JOSD1: variants seen among roughly 807,000 people sequenced by gnomAD.
JOSD1 encodes josephin-1.
A neutral mutation model predicts 24.3 loss-of-function variants in JOSD1; 11 were observed. The ratio of observed to expected loss-of-function variants is 0.45; its 90% confidence interval spans 0.29 to 0.75. JOSD1 has a LOEUF of 0.75. Among genes scored for constraint, JOSD1 ranks in the 30% least tolerant of loss-of-function variants. JOSD1 has a pLI of 0.11. For synonymous variants in JOSD1, 106 were observed against 93.8 expected (o/e 1.13, Z -0.75); for missense variants, 184 against 253.5 (o/e 0.73, Z 1.86).
At chr22:38,699,029 T>G (rs959984412) in intron 2 of JOSD1, among the ~76,000 whole-genome samples, 2 of 152,166 alleles carry the variant, frequency 1.3e-5, no homozygotes, top group Non-Finnish European at 2.9e-5. Context: ...AGTGCTGGGA[T>G]TACACCGTAC....
Position 38,685,775 on chromosome 22 carries a change from T to G in JOSD1, c.*2127A>C, listed in dbSNP as rs2092495225. ...ATCAGGGTCAGGCCTGTTCACTTCC[T>G]TAAAGGAAGTGGGGCTTTTTGCCCT... On this transcript the variant is annotated 3_prime_UTR_variant, in exon 5 of 5. Coordinates refer to ENST00000683374, the MANE Select transcript of JOSD1 (RefSeq NM_001360236.2). 1 of 152,668 alleles carries G rather than the reference T, an allele frequency of 6.6e-6. No individual in the cohort carries two copies. The highest frequency in any genetic ancestry group is 6.5e-5 in the Admixed American group (1 of 15,286). The allele number at this position is 152,668 out of a possible 1,614,324, so 9.5% of individuals were successfully genotyped here.
chr22:38,685,632 A>C lies in JOSD1; in HGVS notation c.*2270T>G, dbSNP rs762648485. 6.6e-6 allele frequency: 1 copy of C among 152,622 alleles called. No individual in the cohort carries two copies. Among genetic ancestry groups the C allele is most frequent in the Non-Finnish European group, 1.5e-5 (1 of 68,042 alleles). The allele number at this position is 152,622 out of a possible 1,614,324, so 9.5% of individuals were successfully genotyped here. The stretch of plus-strand genomic sequence containing the variant: ...CAAGGAGACATATATGGAGTTTTCC[A>C]TTTTTAATATTTGGTTAAACAAAAT... On this transcript the variant is annotated 3_prime_UTR_variant, in exon 5 of 5. Coordinates refer to ENST00000683374, the MANE Select transcript of JOSD1 (RefSeq NM_001360236.2).
chr22:38,699,685 T>C lies in JOSD1; in HGVS notation c.185+118A>G, dbSNP rs565580488. ...TTTCATGTCTTGTGTCCCTTATACC[T>C]GCTAACGCAATCTAGCTAATACCTA... On this transcript the variant is annotated intron_variant, in intron 2 of 4. Coordinates refer to ENST00000683374, the MANE Select transcript of JOSD1 (RefSeq NM_001360236.2). 9.8e-5 allele frequency: 94 copies of C among 963,916 alleles called. No individual in the cohort carries two copies. The African/African-American group carries it at 1.5e-3, about 15-fold the overall frequency. The allele number at this position is 963,916 out of a possible 1,614,324, so 59.7% of individuals were successfully genotyped here. A position where few individuals can be genotyped will look rare whatever the true frequency, so the allele number is the denominator to read the frequency against.
intron 2 of JOSD1, among the ~76,000 whole-genome samples, chr22:38,695,609 G>A (rs2092542573): frequency 6.6e-6 from 1 of 152,104 alleles, no homozygotes; most frequent in East Asian, 2.0e-4. Context: ...CCCATGCCTA[G>A]CTAATTTTTA....
At chr22:38,696,096 A>G (rs1288943444) in intron 2 of JOSD1, among the ~76,000 whole-genome samples, 1 of 152,136 alleles carries the variant, frequency 6.6e-6, no homozygotes, top group African/African-American at 2.4e-5. Flanking sequence ...GGAATGCAGA[A>G]CTAGATGTAA....
At chr22:38,700,766 C>T in intron 1 of JOSD1, 34 bp downstream of exon 1, 1 of 984,728 alleles carries the variant, frequency 1.0e-6, no homozygotes, top group Non-Finnish European at 1.2e-6. Flanking sequence ...GCTCCCGGGC[C>T]CGCGCCCACC....
At position 38,687,812 on chromosome 22, in the gene JOSD1, G is replaced by A; in HGVS notation, c.*90C>T. 1 of 813,302 alleles carries A rather than the reference G, an allele frequency of 1.2e-6. No homozygotes were observed. Among genetic ancestry groups the A allele is most frequent in the Non-Finnish European group, 2.1e-6 (1 of 472,514 alleles). The allele number at this position is 813,302 out of a possible 1,614,324, so 50.4% of individuals were successfully genotyped here. A position where few individuals can be genotyped will look rare whatever the true frequency, so the allele number is the denominator to read the frequency against. On this transcript the variant is annotated 3_prime_UTR_variant, in exon 5 of 5. Transcript: ENST00000683374. ...GGGAAAAACTTGATGAGATGTTTGG[G>A]GAAGTGGCAAGGGCAGACCCACTGT...
chr22:38,687,743 A>C lies in JOSD1; in HGVS notation c.*159T>G, dbSNP rs1397772083. On this transcript the variant is annotated 3_prime_UTR_variant, in exon 5 of 5. Coordinates refer to ENST00000683374, the MANE Select transcript of JOSD1 (RefSeq NM_001360236.2). ...AGGAACAAAACACTGAGTAGTTCTTATAACAGTCCACACGTCTGTCCTATT... is the reference window on the plus strand; with the variant it reads ...AGGAACAAAACACTGAGTAGTTCTTCTAACAGTCCACACGTCTGTCCTATT... 2 of 614,674 alleles carry C rather than the reference A, an allele frequency of 3.3e-6. No homozygotes were observed. The highest frequency in any genetic ancestry group is 3.7e-5 in the African/African-American group (2 of 53,912). The allele number at this position is 614,674 out of a possible 1,614,324, so 38.1% of individuals were successfully genotyped here.
intron 2 of JOSD1, 91 bp from the exon 3 acceptor site, chr22:38,689,515 C>T: frequency 7.9e-6 from 12 of 1,513,304 alleles, no homozygotes; most frequent in Non-Finnish European, 1.1e-5. Flanking sequence ...CTTTACATCA[C>T]TGCCCCTGGA....
chr22:38,696,588 A>G (rs906151274), intron 2 of JOSD1, among the ~76,000 whole-genome samples: 1 of 152,196 alleles, frequency 6.6e-6, no homozygotes, highest in East Asian at 1.9e-4. Flanking sequence ...ATCTGTATAC[A>G]TATACACTGA....
intron 2 of JOSD1, 86 bp downstream of exon 2, chr22:38,699,717 T>G: frequency 7.8e-7 from 1 of 1,279,700 alleles, no homozygotes; most frequent in South Asian, 1.2e-5. Flanking sequence ...CCTACAGCTT[T>G]GAAGGTTTAT....
rs753276731 is a variant in JOSD1, at chr22:38,688,929, G to T, written c.509+6C>A. ...TAGCAACTTAGTCACAAAAGGTGCC[G>T]ATTACCTGAGCTCGCTCTCGCCTCC... On this transcript the variant is annotated splice_donor_region_variant and intron_variant, in intron 4 of 4. Transcript: ENST00000683374. 1.6e-5 allele frequency: 26 copies of T among 1,610,038 alleles called. No individual in the cohort carries two copies. Among genetic ancestry groups the T allele is most frequent in the Non-Finnish European group, 2.2e-5 (26 of 1,177,206 alleles).
In JOSD1 at chr22:38,700,627, G is replaced by A. The variant is rs1228866152; in HGVS notation, c.-631-9C>T. ...GCCCTCTGGCCGCGGCCCTGCGGAG[G>A]AGGAGACAACTCCGGTCAGCGGCGA... On this transcript the variant is annotated splice_polypyrimidine_tract_variant and intron_variant, in intron 1 of 4. Transcript: ENST00000683374. 1.0e-6 allele frequency: 1 copy of A among 984,684 alleles called. No individual in the cohort carries two copies. Among genetic ancestry groups the A allele is most frequent in the East Asian group, 1.1e-4 (1 of 8,824 alleles). 61.0% of individuals were successfully genotyped at this position (984,684 alleles called of 1,614,324 possible). A position where few individuals can be genotyped will look rare whatever the true frequency, so the allele number is the denominator to read the frequency against.
chr22:38,694,327 T>G (rs1326470609), intron 2 of JOSD1, among the ~76,000 whole-genome samples: 1 of 152,204 alleles, frequency 6.6e-6, no homozygotes, highest in Non-Finnish European at 1.5e-5. Context: ...GTGGCAGGGC[T>G]AGGGTCAGCC....
In JOSD1 at chr22:38,687,968, G is replaced by C. The variant is rs558723854; in HGVS notation, c.543C>G (p.Asn181Lys). 1.2e-6 allele frequency: 2 copies of C among 1,613,792 alleles called. No homozygotes were observed. Among genetic ancestry groups the C allele is most frequent in the South Asian group, 2.2e-5 (2 of 91,082 alleles). ...KFLKHHLRGKNCELLLVVPEE... is the reference protein window; with the variant it reads ...KFLKHHLRGKKCELLLVVPEE... Reference sequence around the variant, plus strand: ...CTGGTACCACCAGCAGGAGTTCACAGTTCTTTCCTCGCAAATGATGTTTTA... The same window carrying C: ...CTGGTACCACCAGCAGGAGTTCACACTTCTTTCCTCGCAAATGATGTTTTA... Residue 181 changes from asparagine (N) to lysine (K), a missense_variant, in exon 5 of 5, where the codon AAC (asparagine) becomes AAG (lysine). By Grantham distance (94) the Asn-to-Lys change is moderately conservative. Transcript: ENST00000683374.
chr22:38,700,695 G>T, intron 1 of JOSD1, 77 bp from the exon 2 acceptor site: 1 of 977,880 alleles, frequency 1.0e-6, no homozygotes, highest in Non-Finnish European at 1.2e-6. Context: ...CCTGCCCGAG[G>T]GAAGGTTCCG....
chr22:38,687,914 C>T lies in JOSD1; in HGVS notation c.597G>A (p.Arg199=). The part of the protein sequence containing the change: ...PEEVEAHQSW[R]TDV Reference sequence around the variant, plus strand: ...TTGGGCAGAACTGTTACACATCGGTCCTCCAACTCTGATGAGCCTCTACCT... The same window carrying T: ...TTGGGCAGAACTGTTACACATCGGTTCTCCAACTCTGATGAGCCTCTACCT... The change falls in exon 5 of 5, where the codon AGG becomes AGA. Residue 199 remains arginine (R), a synonymous_variant. Coordinates refer to ENST00000683374, the MANE Select transcript of JOSD1 (RefSeq NM_001360236.2). The T allele has an allele frequency of 1.2e-6, 2 of 1,612,206 alleles. No homozygotes were observed. Among genetic ancestry groups the T allele is most frequent in the Non-Finnish European group, 1.7e-6 (2 of 1,178,206 alleles).
chr22:38,700,847 C>A lies in JOSD1; in HGVS notation c.-679G>T, dbSNP rs1169274654. 2.0e-6 allele frequency: 2 copies of A among 984,350 alleles called. No individual in the cohort carries two copies. Among genetic ancestry groups the A allele is most frequent in the Admixed American group, 6.2e-5 (1 of 16,164 alleles). 61.0% of individuals were successfully genotyped at this position (984,350 alleles called of 1,614,324 possible). ...CAGGCCCAGACGCCCTCCCGCCGCG[C>A]CCCCGGCCGCAGACCCCAGGGCCGC... On this transcript the variant is annotated 5_prime_UTR_variant, in exon 1 of 5. Coordinates refer to ENST00000683374, the MANE Select transcript of JOSD1 (RefSeq NM_001360236.2).
At chr22:38,696,647 G>A (rs566038153) in intron 2 of JOSD1, among the ~76,000 whole-genome samples, 1 of 152,310 alleles carries the variant, frequency 6.6e-6, no homozygotes, top group South Asian at 2.1e-4. Flanking sequence ...GTTGAAAACA[G>A]ATGCTTTTTA....
Sources: gnomAD v4.1 joint callset for allele counts (sites outside exome capture counted in the v4.1 genomes callset) on GRCh38, gnomAD v4.1.1 for gene constraint, MANE v1.5 for transcripts, NCBI Gene and HGNC (gene_info 2026-07-23, HGNC 2026-07-21) for gene names.